The following CREB3L1 variants were observed in gnomAD, a reference collection of about 807,000 sequenced individuals.
CREB3L1 encodes cyclic AMP-responsive element-binding protein 3-like protein 1.
In CREB3L1, 33 loss-of-function variants were observed where a neutral mutation model predicts 54.5. The observed-to-expected ratio is 0.61, with a 90% CI of 0.46 to 0.81. The LOEUF is 0.81. CREB3L1 is among the 30% of genes least tolerant of loss of function. The probability of loss-of-function intolerance (pLI) is 0.00; values close to 1 mark genes in which losing one functional copy is unlikely to be tolerated. For synonymous variants in CREB3L1, 284 were observed against 286.4 expected (o/e 0.99, Z 0.08); for missense variants, 656 against 673.3 (o/e 0.97, Z 0.29).
At chr11:46,315,175 TC>T in intron 8 of CREB3L1, 1 of 330,168 alleles carries the variant, frequency 3.0e-6, no homozygotes, top group Non-Finnish European at 6.2e-6. Context: ...CCCCAGCTTC[TC>T]CAGCGGGATC....
Position 46,291,270 on chromosome 11 carries a change from G to A in CREB3L1, c.103-8665G>A, listed in dbSNP as rs190064816. ...AAGTGCACTCCCATCCCCAGCTCTC[G>A]GTTTTCTTCATCTGTAATAATAACA... On this transcript the variant is annotated intron_variant, in intron 1 of 11. Coordinates refer to ENST00000621158, the MANE Select transcript of CREB3L1 (RefSeq NM_052854.4). Among the ~76,000 whole-genome samples, 642 of 152,268 alleles carry A rather than the reference G, an allele frequency of 4.2e-3. 6 individuals carry two copies. The highest frequency in any genetic ancestry group is 0.015 in the African/African-American group (609 of 41,540).
intron 8 of CREB3L1, among the ~76,000 whole-genome samples, chr11:46,314,064 C>T (rs1389173901): frequency 2.0e-5 from 3 of 151,940 alleles, no homozygotes; most frequent in Non-Finnish European, 4.4e-5. Flanking sequence ...TGGTGAAACC[C>T]CCATCTCTAC....
Position 46,320,377 on chromosome 11 carries a change from C to T in CREB3L1, c.1372C>T (p.Pro458Ser). The T allele has an allele frequency of 6.2e-7, 1 of 1,610,388 alleles. No homozygotes were observed. The highest frequency in any genetic ancestry group is 8.5e-7 in the Non-Finnish European group (1 of 1,178,422). The change falls in exon 11 of 12, where the codon CCG becomes TCG. Residue 458 changes from proline to serine, a missense_variant. Coordinates refer to ENST00000621158, the MANE Select transcript of CREB3L1 (RefSeq NM_052854.4). Reference sequence around the variant, plus strand: ...TGGCTGGGAAATCAACCCCGGGGGGCCGGCAGAGCAGCGGCCCCGGGACCA... The same window carrying T: ...TGGCTGGGAAATCAACCCCGGGGGGTCGGCAGAGCAGCGGCCCCGGGACCA... ...PDGWEINPGG[P>S]AEQRPRDHLQ...
chr11:46,316,628 C>T (rs969295546), intron 9 of CREB3L1, among the ~76,000 whole-genome samples: 1 of 151,462 alleles, frequency 6.6e-6, no homozygotes, highest in Non-Finnish European at 1.5e-5. Flanking sequence ...TAGGTGACTC[C>T]AGTGGCCCCA....
intron 4 of CREB3L1, among the ~76,000 whole-genome samples, chr11:46,310,337 AGCTCACT>A (rs1296067934): frequency 3.3e-5 from 5 of 152,142 alleles, no homozygotes; most frequent in Admixed American, 3.3e-4. Context: ...GCACGATCTC[AGCTCACT>A]GCAACCTCCC....
chr11:46,300,635 GA>G (rs1939282892), intron 2 of CREB3L1, among the ~76,000 whole-genome samples: 1 of 152,150 alleles, frequency 6.6e-6, no homozygotes, highest in African/African-American at 2.4e-5. Flanking sequence ...TTGGGAGGCC[GA>G]GGCAGGTGGA....
chr11:46,315,995 T>C (rs755099038), intron 8 of CREB3L1: 4 of 332,632 alleles, frequency 1.2e-5, no homozygotes, highest in African/African-American at 2.1e-5. Flanking sequence ...AAAAGAAGGC[T>C]GGCATCTGTG....
intron 10 of CREB3L1, among the ~76,000 whole-genome samples, chr11:46,318,604 G>A (rs1195429515): frequency 6.6e-6 from 1 of 152,214 alleles, no homozygotes; most frequent in East Asian, 1.9e-4. Flanking sequence ...CATCACAGTA[G>A]CTGGCAAAGG....
chr11:46,283,135 G>A (rs1939004514), intron 1 of CREB3L1, among the ~76,000 whole-genome samples: 1 of 152,054 alleles, frequency 6.6e-6, no homozygotes, highest in African/African-American at 2.4e-5. Context: ...GGACTGCAGT[G>A]AGCCATAATG....
At chr11:46,302,754 AG>A (rs1180768257) in intron 2 of CREB3L1, among the ~76,000 whole-genome samples, 1 of 152,172 alleles carries the variant, frequency 6.6e-6, no homozygotes, top group Non-Finnish European at 1.5e-5. Context: ...AGGCCAAGGC[AG>A]GCAGATCACG....
Position 46,320,445 on chromosome 11 carries a change from G to C in CREB3L1, c.1440G>C (p.Lys480Asn). ...DHLDSTHETTKYLSEAWPKDG... is the reference protein window; with the variant it reads ...DHLDSTHETTNYLSEAWPKDG... ...TGGACAGCACCCACGAGACCACCAA[G>C]TACCTGAGTGAGGCCTGGCCTAAAG... is the stretch of plus-strand genomic sequence containing the variant. Residue 480 changes from lysine (K) to asparagine (N), a missense_variant, in exon 11 of 12, where the codon AAG (lysine) becomes AAC (asparagine). This residue lies in a region of CREB3L1 where 240 missense variants were observed against 219.8 expected (regional missense o/e 1.09). Coordinates refer to ENST00000621158, the MANE Select transcript of CREB3L1 (RefSeq NM_052854.4). The C allele has an allele frequency of 6.2e-7, 1 of 1,609,396 alleles. No homozygotes were observed. The highest frequency in any genetic ancestry group is 1.1e-5 in the South Asian group (1 of 90,328).
intron 5 of CREB3L1, among the ~76,000 whole-genome samples, 175 bp downstream of exon 5, chr11:46,311,364 T>C (rs1012184288): frequency 6.6e-6 from 1 of 152,192 alleles, no homozygotes; most frequent in Admixed American, 6.5e-5. Context: ...TTTTGAGTCT[T>C]GCTCTGTTGC....
At position 46,321,097 on chromosome 11, in the gene CREB3L1, C is replaced by A. The variant is rs765530277; in HGVS notation, c.*351C>A. ...ACCCCACTCACAGACACCCCTTACCCCACCCCCACTGTACAGAGACCAAGA... is the reference window on the plus strand; with the variant it reads ...ACCCCACTCACAGACACCCCTTACCACACCCCCACTGTACAGAGACCAAGA... On this transcript the variant is annotated 3_prime_UTR_variant, in exon 12 of 12. Transcript: ENST00000621158. The A allele has an allele frequency of 5.6e-6, 3 of 535,086 alleles. No individual in the cohort carries two copies. The highest frequency in any genetic ancestry group is 6.8e-6 in the Non-Finnish European group (2 of 292,362). The allele number at this position is 535,086 out of a possible 1,614,324, so 33.1% of individuals were successfully genotyped here.
chr11:46,311,502 T>G (rs536354116), intron 5 of CREB3L1, among the ~76,000 whole-genome samples: 5 of 151,318 alleles, frequency 3.3e-5, no homozygotes, highest in African/African-American at 7.3e-5. Context: ...TCTGGCTTTT[T>G]TTTGTTTGTT....
At chr11:46,304,693 G>A (rs567097045) in intron 2 of CREB3L1, among the ~76,000 whole-genome samples, 1 of 39,656 alleles carries the variant, frequency 2.5e-5, no homozygotes, top group Admixed American at 1.8e-4. Flanking sequence ...TAATTTTTTG[G>A]GGGGGGCGGG....
rs1326982142 is a variant in CREB3L1 at position 46,299,973 on chromosome 11, G to A, written c.141G>A (p.Met47Ile). ...ACCTGGACCACTTTACGGAGAACATGGAGGACTTCTCCAATGACCTGTTCA... is the reference window on the plus strand; with the variant it reads ...ACCTGGACCACTTTACGGAGAACATAGAGGACTTCTCCAATGACCTGTTCA... ...PEHLDHFTENMEDFSNDLFSS... is the reference protein window; with the variant it reads ...PEHLDHFTENIEDFSNDLFSS... The change falls in exon 2 of 12, where the codon ATG becomes ATA. Residue 47 changes from methionine (M) to isoleucine (I), a missense_variant. Physicochemically the swap from Met to Ile is conservative, Grantham distance 10. Transcript: ENST00000621158. 3 of 1,613,946 alleles carry A rather than the reference G, an allele frequency of 1.9e-6. No individual in the cohort carries two copies. Among genetic ancestry groups the A allele is most frequent in the South Asian group, 1.1e-5 (1 of 91,074 alleles).
chr11:46,277,982 C>A lies in CREB3L1; in HGVS notation c.-130C>A. On this transcript the variant is annotated 5_prime_UTR_variant, in exon 1 of 12. Coordinates refer to ENST00000621158, the MANE Select transcript of CREB3L1 (RefSeq NM_052854.4). ...GGCCGCGCCGCCTCCGTCCGCCCCTCCCCCGGGGCTTCGCCCCGGACCTGC... is the reference window on the plus strand; with the variant it reads ...GGCCGCGCCGCCTCCGTCCGCCCCTACCCCGGGGCTTCGCCCCGGACCTGC... 1 of 427,238 alleles carries A rather than the reference C, an allele frequency of 2.3e-6. No homozygotes were observed. Among genetic ancestry groups the A allele is most frequent in the Non-Finnish European group, 3.9e-6 (1 of 253,580 alleles). The allele number at this position is 427,238 out of a possible 1,614,324, so 26.5% of individuals were successfully genotyped here.
chr11:46,293,544 C>T (rs1325946864), intron 1 of CREB3L1, among the ~76,000 whole-genome samples: 1 of 152,248 alleles, frequency 6.6e-6, no homozygotes, highest in African/African-American at 2.4e-5. Flanking sequence ...CAGGACTCTG[C>T]TCTGCCTTGA....
chr11:46,305,692 G>GTGTGTGTGTGTATA (rs1939382280), intron 2 of CREB3L1, among the ~76,000 whole-genome samples: 1 of 105,444 alleles, frequency 9.5e-6, no homozygotes, highest in African/African-American at 4.2e-5. Flanking sequence ...GTGTATATAT[G>GTGTGTGTGTGTATA]TGTGTGTGTG....
Sources: allele counts gnomAD v4.1 joint callset (sites outside exome capture counted in the v4.1 genomes callset), GRCh38; gene constraint gnomAD v4.1.1; regional missense constraint gnomAD v4.1.1; transcripts MANE v1.5; gene names NCBI Gene and HGNC (gene_info 2026-07-23, HGNC 2026-07-21).